The following XRCC4 variants were observed in gnomAD, a reference collection of about 807,000 sequenced individuals.
XRCC4 encodes X-ray repair cross complementing 4.
A neutral mutation model predicts 39.1 loss-of-function variants in XRCC4; 28 were observed. The observed-to-expected ratio is 0.72, with a 90% CI of 0.53 to 0.98. XRCC4 has a LOEUF of 0.98. Among genes scored for constraint, XRCC4 ranks in the 50% least tolerant of loss-of-function variants. XRCC4 has a pLI of 0.00. For missense variants in XRCC4, 350 were observed against 376.4 expected, an observed-to-expected ratio of 0.93 and a Z score of 0.58; for synonymous variants, 123 against 126.4, an observed-to-expected ratio of 0.97 and a Z score of 0.18.
chr5:83,370,529 C>T, the XRCC4 span, among the ~76,000 whole-genome samples: 2 of 152,146 alleles, frequency 1.3e-5, no homozygotes, highest in African/African-American at 2.4e-5. Context: ...ACCCTACTGC[C>T]TGTCCAAGTT....
intron 3 of XRCC4, among the ~76,000 whole-genome samples, chr5:83,162,678 T>C (rs1021642817): frequency 5.3e-5 from 8 of 152,192 alleles, no homozygotes; most frequent in African/African-American, 1.4e-4. Flanking sequence ...AATACAGTTA[T>C]TGAGTTTCTG....
chr5:83,232,382 C>T (rs749915879), intron 6 of XRCC4, among the ~76,000 whole-genome samples: 2 of 151,968 alleles, frequency 1.3e-5, no homozygotes, highest in Non-Finnish European at 2.9e-5. Flanking sequence ...TAAAGAGCAG[C>T]CAACAATTTT....
At chr5:83,214,339 T>C (rs1315181421) in intron 6 of XRCC4, among the ~76,000 whole-genome samples, 4 of 152,126 alleles carry the variant, frequency 2.6e-5, no homozygotes, top group Non-Finnish European at 4.4e-5. Context: ...GCTAATAAAT[T>C]GACTCCAGTA....
At chr5:83,092,183 TA>T (rs1288620636) in intron 1 of XRCC4, among the ~76,000 whole-genome samples, 1 of 152,218 alleles carries the variant, frequency 6.6e-6, no homozygotes, top group African/African-American at 2.4e-5. Context: ...TTCAGGTCAA[TA>T]GCTCACGTTT....
chr5:83,141,844 A>C (rs1291864655), intron 3 of XRCC4, among the ~76,000 whole-genome samples: 1 of 39,442 alleles, frequency 2.5e-5, no homozygotes, highest in Non-Finnish European at 5.1e-5. Context: ...AATCTTGTAC[A>C]AAAAAAAAAA....
At chr5:83,181,164 A>G (rs1023957435) in intron 3 of XRCC4, among the ~76,000 whole-genome samples, 10 of 151,602 alleles carry the variant, frequency 6.6e-5, no homozygotes, top group Admixed American at 5.9e-4. Context: ...TTATTATGGA[A>G]GATGAGTAAT....
intron 6 of XRCC4, among the ~76,000 whole-genome samples, chr5:83,211,320 A>T (rs975075138): frequency 1.3e-5 from 2 of 152,220 alleles, no homozygotes; most frequent in Non-Finnish European, 2.9e-5. Flanking sequence ...TGAGCTAAAG[A>T]GGGCTCACTC....
Position 83,077,581 on chromosome 5 carries a change from G to T in XRCC4, c.-45G>T, listed in dbSNP as rs1179307705. ...AAAACCTTGATCTGTGAAAGCGGGCGTTTTGGAAGATACCGGAAGTAGAGT... is the reference window on the plus strand; with the variant it reads ...AAAACCTTGATCTGTGAAAGCGGGCTTTTTGGAAGATACCGGAAGTAGAGT... On this transcript the variant is annotated 5_prime_UTR_variant, in exon 1 of 8. Transcript: ENST00000396027. The T allele has an allele frequency of 7.7e-6, 4 of 520,688 alleles. No individual in the cohort carries two copies. Among genetic ancestry groups the T allele is most frequent in the Non-Finnish European group, 1.4e-5 (4 of 287,618 alleles). The allele number at this position is 520,688 out of a possible 1,614,324, so 32.3% of individuals were successfully genotyped here.
intron 7 of XRCC4, among the ~76,000 whole-genome samples, chr5:83,320,766 A>AT (rs1397211576): frequency 2.0e-5 from 3 of 148,388 alleles, no homozygotes; most frequent in Non-Finnish European, 4.5e-5. Flanking sequence ...GATTATTAGC[A>AT]TTTTTTAGCA....
intron 3 of XRCC4, among the ~76,000 whole-genome samples, chr5:83,136,963 C>T (rs55837487): frequency 0.014 from 2,084 of 152,200 alleles, 37 homozygotes; most frequent in African/African-American, 0.048. Flanking sequence ...CAAACACACA[C>T]AAAAGAGGTA....
At chr5:83,309,142 G>C (rs1005249055) in intron 7 of XRCC4, among the ~76,000 whole-genome samples, 16 of 150,266 alleles carry the variant, frequency 1.1e-4, no homozygotes, top group African/African-American at 3.9e-4. Flanking sequence ...AGCCATGCAC[G>C]GTGGTGGGTG....
intron 3 of XRCC4, among the ~76,000 whole-genome samples, chr5:83,118,044 C>CCACACACA (rs34524513): frequency 2.4e-4 from 29 of 118,524 alleles, no homozygotes; most frequent in African/African-American, 8.7e-4. Flanking sequence ...ATATACATCT[C>CCACACACA]CACACACACA....
In XRCC4 at chr5:83,097,233, T is replaced by C. The variant is rs62372715; in HGVS notation, c.-10-7677T>C. ...ATGTGCTATTTATAACTGTTACTAT[T>C]ATTTGAACTGTATGAAATTGTCATT... On this transcript the variant is annotated intron_variant, in intron 1 of 7. Coordinates refer to ENST00000396027, the MANE Select transcript of XRCC4 (RefSeq NM_003401.5). Among the ~76,000 whole-genome samples the C allele has an allele frequency of 7.5e-4, 114 of 151,218 alleles. 1 individual carries two copies. Among genetic ancestry groups the C allele is most frequent in the Non-Finnish European group, 1.4e-3 (94 of 68,028 alleles).
chr5:83,257,577 A>G (rs1753589175), intron 6 of XRCC4, among the ~76,000 whole-genome samples: 1 of 152,228 alleles, frequency 6.6e-6, no homozygotes, highest in African/African-American at 2.4e-5. Context: ...GAACGCTTTT[A>G]CACTGTTGGT....
At position 83,134,502 on chromosome 5, in the gene XRCC4, ACT is replaced by A. The variant is rs754399786; in HGVS notation, c.315+23305_315+23306del. 1.2e-4 allele frequency among the ~76,000 whole-genome samples: 18 copies of A among 152,226 alleles called. No homozygotes were observed. In the East Asian group the frequency reaches 3.3e-3, roughly 28 times the overall value. Reference sequence around the variant, plus strand: ...AAGGTTTGTACACGCATCAATCAGCACTCTCTCAAAACAGACCAATCAGCTCT... The same window carrying A: ...AAGGTTTGTACACGCATCAATCAGCACTCTCAAAACAGACCAATCAGCTCT... On this transcript the variant is annotated intron_variant, in intron 3 of 7. Coordinates refer to ENST00000396027, the MANE Select transcript of XRCC4 (RefSeq NM_003401.5).
chr5:83,352,789 T>G (rs1757118334), intron 7 of XRCC4, among the ~76,000 whole-genome samples: 1 of 152,206 alleles, frequency 6.6e-6, no homozygotes, highest in African/African-American at 2.4e-5. Flanking sequence ...TAAATTGTGA[T>G]GAAATCATTA....
chr5:83,360,191 T>G, the XRCC4 span, among the ~76,000 whole-genome samples: 1 of 152,030 alleles, frequency 6.6e-6, no homozygotes, highest in Non-Finnish European at 1.5e-5. Context: ...CGACAAGGAG[T>G]TCTCTCTGTC....
chr5:83,314,261 A>G (rs547909495), intron 7 of XRCC4, among the ~76,000 whole-genome samples: 3 of 152,314 alleles, frequency 2.0e-5, no homozygotes, highest in Non-Finnish European at 4.4e-5. Context: ...ATGCTGTTCT[A>G]TACTTTGATA....
downstream of XRCC4, chr5:83,353,781 ATG>A (rs1295430364): frequency 6.6e-6 from 1 of 152,216 alleles, no homozygotes; most frequent in African/African-American, 2.4e-5. Flanking sequence ...TTTTAATAAA[ATG>A]TGTTATTTAG....
Sources: gnomAD v4.1 joint callset for allele counts (sites outside exome capture counted in the v4.1 genomes callset) on GRCh38, gnomAD v4.1.1 for gene constraint, MANE v1.5 for transcripts, NCBI Gene and HGNC (gene_info 2026-07-23, HGNC 2026-07-21) for gene names.